MED13L: variants seen among roughly 807,000 people sequenced by gnomAD.
The protein encoded by MED13L is mediator of RNA polymerase II transcription subunit 13-like.
In MED13L, 7 loss-of-function variants were observed where a neutral mutation model predicts 220.9. That is an observed-to-expected ratio of 0.03 (90% CI 0.02 to 0.06). MED13L has a LOEUF of 0.06. Among genes scored for constraint, MED13L ranks in the 10% least tolerant of loss-of-function variants. The pLI is 1.00. For missense variants in MED13L, 1,965 were observed against 2,760.5 expected (o/e 0.71, Z 6.46); for synonymous variants, 1,011 against 1,015.2 (o/e 1.00, Z 0.08).
At chr12:116,262,536 T>C (rs1216782060) in intron 1 of MED13L, among the ~76,000 whole-genome samples, 1 of 152,200 alleles carries the variant, frequency 6.6e-6, no homozygotes, top group East Asian at 1.9e-4. Flanking sequence ...AAAGTTACTT[T>C]AGAAGATAAA....
intron 2 of MED13L, among the ~76,000 whole-genome samples, chr12:116,123,420 A>G (rs1849144434): frequency 6.6e-6 from 1 of 152,218 alleles, no homozygotes; most frequent in Non-Finnish European, 1.5e-5. Context: ...ATTGCTACAA[A>G]TAAACATTTT....
chr12:116,209,686 A>G (rs1882572757), intron 2 of MED13L, among the ~76,000 whole-genome samples: 1 of 152,184 alleles, frequency 6.6e-6, no homozygotes, highest in Non-Finnish European at 1.5e-5. Context: ...TGGTCAGATA[A>G]CTATTAGAGC....
At chr12:115,974,789 A>C (rs1316381574) in intron 25 of MED13L, among the ~76,000 whole-genome samples, 1 of 152,202 alleles carries the variant, frequency 6.6e-6, no homozygotes, top group Non-Finnish European at 1.5e-5. Flanking sequence ...CCACCAAACA[A>C]ATTGAAGGCT....
intron 4 of MED13L, among the ~76,000 whole-genome samples, chr12:116,083,078 T>C (rs1871338659): frequency 6.6e-6 from 1 of 152,188 alleles, no homozygotes; most frequent in Non-Finnish European, 1.5e-5. Flanking sequence ...ATTTATCTAG[T>C]CATTCATTCA....
rs1877539033 is a variant in MED13L at position 115,984,330 on chromosome 12, G to A, written c.4381C>T (p.Arg1461Cys). 3 of 1,613,942 alleles carry A rather than the reference G, an allele frequency of 1.9e-6. No homozygotes were observed. The highest frequency in any genetic ancestry group is 1.1e-5 in the South Asian group (1 of 91,076). ...TTTCCCACGCGCATGATCCCGTCAC[G>A]TAGCACTTTGCAGATGGGCTTGTGC... Reference protein sequence around the residue: ...GQHKPICKVLRDGIMRVGKTV... With the variant: ...GQHKPICKVLCDGIMRVGKTV... The change falls in exon 20 of 31, where the codon CGT (arginine) becomes TGT (cysteine). Residue 1461 changes from arginine (R) to cysteine (C), a missense_variant. By Grantham distance (180) the Arg-to-Cys change is radical. This residue lies in a region of MED13L where 510 missense variants were observed against 620.4 expected (regional missense o/e 0.82). Transcript: ENST00000281928.
chr12:116,080,249 C>CA, intron 4 of MED13L, among the ~76,000 whole-genome samples: 1 of 152,206 alleles, frequency 6.6e-6, no homozygotes, highest in Middle Eastern at 3.4e-3. Context: ...TTTGGATAAA[C>CA]AGAGTAGAGA....
At chr12:116,151,106 G>A (rs1015524648) in intron 2 of MED13L, among the ~76,000 whole-genome samples, 1 of 152,022 alleles carries the variant, frequency 6.6e-6, no homozygotes, top group African/African-American at 2.4e-5. Flanking sequence ...TAAGAGGGGG[G>A]AAATGAGAAA....
Position 115,982,623 on chromosome 12 carries a change from T to A in MED13L, c.4956-20A>T. 4 of 1,576,992 alleles carry A rather than the reference T, an allele frequency of 2.5e-6. No homozygotes were observed. Among genetic ancestry groups the A allele is most frequent in the Non-Finnish European group, 3.5e-6 (4 of 1,146,660 alleles). ...GTAACACTGGAGAGAGAGTCACTTGTGAGATGCACAAAATAAATATAAATT... is the reference window on the plus strand; with the variant it reads ...GTAACACTGGAGAGAGAGTCACTTGAGAGATGCACAAAATAAATATAAATT... On this transcript the variant is annotated intron_variant, in intron 21 of 30. Coordinates refer to ENST00000281928, the MANE Select transcript of MED13L (RefSeq NM_015335.5).
At chr12:115,965,335 G>C (rs1876072644) in intron 29 of MED13L, among the ~76,000 whole-genome samples, 1 of 152,120 alleles carries the variant, frequency 6.6e-6, no homozygotes, top group African/African-American at 2.4e-5. Context: ...TCTAGTCTTG[G>C]ACATATGTCA....
chr12:116,066,803 G>C (rs933844770), intron 4 of MED13L, among the ~76,000 whole-genome samples: 2 of 149,704 alleles, frequency 1.3e-5, no homozygotes, highest in African/African-American at 2.5e-5. Context: ...CAACTCTACC[G>C]GCTACCAACA....
chr12:116,055,986 G>A (rs1258346509), intron 4 of MED13L, among the ~76,000 whole-genome samples: 1 of 151,972 alleles, frequency 6.6e-6, no homozygotes, highest in Non-Finnish European at 1.5e-5. Context: ...AAACATCCAG[G>A]ATGATATCCA....
intron 4 of MED13L, among the ~76,000 whole-genome samples, chr12:116,088,798 G>GA (rs1275923379): frequency 3.4e-4 from 46 of 133,878 alleles, no homozygotes; most frequent in South Asian, 3.0e-3. Flanking sequence ...GCTTAAAAAA[G>GA]AAAAAAAAAA....
intron 2 of MED13L, among the ~76,000 whole-genome samples, chr12:116,207,001 A>G (rs1882376446): frequency 6.6e-6 from 1 of 152,190 alleles, no homozygotes; most frequent in South Asian, 2.1e-4. Context: ...AAGCATAGTA[A>G]AGGCACATTC....
chr12:116,253,755 T>TG (rs1871786060), intron 1 of MED13L, among the ~76,000 whole-genome samples: 1 of 77,848 alleles, frequency 1.3e-5, no homozygotes, highest in Non-Finnish European at 2.9e-5. Flanking sequence ...TTTTTTTTGT[T>TG]TTTTTTTTTT....
At chr12:116,176,897 A>G (rs576898382) in intron 2 of MED13L, among the ~76,000 whole-genome samples, 142 of 146,398 alleles carry the variant, frequency 9.7e-4, no homozygotes, top group African/African-American at 3.4e-3. Flanking sequence ...AAAAAAAAAA[A>G]GGTAAATTTC....
chr12:116,232,649 T>C (rs1006615160), intron 2 of MED13L, among the ~76,000 whole-genome samples: 5 of 152,260 alleles, frequency 3.3e-5, no homozygotes, highest in Admixed American at 1.3e-4. Context: ...CTTCTCCTTC[T>C]GGACCAGAGA....
At chr12:116,032,281 A>G (rs774706483) in intron 4 of MED13L, among the ~76,000 whole-genome samples, 10 of 152,252 alleles carry the variant, frequency 6.6e-5, no homozygotes, top group Non-Finnish European at 1.5e-5. Context: ...TATAGAACAC[A>G]GAGTCAAGAA....
chr12:116,067,977 G>T (rs766364322), intron 4 of MED13L, among the ~76,000 whole-genome samples: 50 of 152,066 alleles, frequency 3.3e-4, no homozygotes, highest in Non-Finnish European at 4.7e-4. Context: ...TATGTGAAAG[G>T]GTTTGACTTA....
At chr12:116,220,344 A>G (rs1423091992) in intron 2 of MED13L, among the ~76,000 whole-genome samples, 1 of 152,206 alleles carries the variant, frequency 6.6e-6, no homozygotes, top group Non-Finnish European at 1.5e-5. Context: ...TATTATTTAC[A>G]TAGCCAACTT....
Sources: allele counts gnomAD v4.1 joint callset (sites outside exome capture counted in the v4.1 genomes callset), GRCh38; gene constraint gnomAD v4.1.1; regional missense constraint gnomAD v4.1.1; transcripts MANE v1.5; gene names NCBI Gene and HGNC (gene_info 2026-07-23, HGNC 2026-07-21).